The following SLC9A9 variants were observed in gnomAD, a reference collection of about 807,000 sequenced individuals.
SLC9A9 encodes solute carrier family 9 member A9.
Under a neutral mutation model 77.8 loss-of-function variants are expected in SLC9A9, and 62 were observed. That is an observed-to-expected ratio of 0.80 (90% CI 0.65 to 0.98). SLC9A9 has a LOEUF of 0.98. Among genes scored for constraint, SLC9A9 ranks in the 50% least tolerant of loss-of-function variants. The probability of loss-of-function intolerance (pLI) is 0.00; values close to 1 mark genes in which losing one functional copy is unlikely to be tolerated. For synonymous variants in SLC9A9, 320 were observed against 283.5 expected (o/e 1.13, Z -1.29); for missense variants, 775 against 774.9 (o/e 1.00, Z 0.00).
intron 6 of SLC9A9, among the ~76,000 whole-genome samples, chr3:143,620,917 T>C (rs1348920025): frequency 6.6e-6 from 1 of 152,150 alleles, no homozygotes; most frequent in African/African-American, 2.4e-5. Context: ...ACTCCCACCC[T>C]AATACTGCGC....
chr3:143,297,170 T>C (rs1436647152), intron 14 of SLC9A9, among the ~76,000 whole-genome samples: 1 of 152,234 alleles, frequency 6.6e-6, no homozygotes, highest in African/African-American at 2.4e-5. Context: ...AATTTAAATC[T>C]TTATTTTGAG....
At chr3:143,807,925 G>A (rs1161310762) in intron 2 of SLC9A9, among the ~76,000 whole-genome samples, 2 of 152,172 alleles carry the variant, frequency 1.3e-5, no homozygotes, top group East Asian at 3.8e-4. Context: ...GTAGAGGGCT[G>A]GGCGGGGATG....
chr3:143,660,353 T>C (rs1278723925), intron 5 of SLC9A9, among the ~76,000 whole-genome samples: 1 of 152,174 alleles, frequency 6.6e-6, no homozygotes, highest in African/African-American at 2.4e-5. Flanking sequence ...GGGGATCACT[T>C]GCAAGAGCCA....
chr3:143,685,887 A>G (rs912810210), intron 5 of SLC9A9, among the ~76,000 whole-genome samples: 8 of 152,222 alleles, frequency 5.3e-5, no homozygotes, highest in Admixed American at 3.9e-4. Flanking sequence ...CCAGATAAAC[A>G]GAAGAAAGAA....
chr3:143,830,116 C>T (rs2009398590), intron 2 of SLC9A9, among the ~76,000 whole-genome samples: 1 of 152,156 alleles, frequency 6.6e-6, no homozygotes, highest in Non-Finnish European at 1.5e-5. Flanking sequence ...AGGATTGCCA[C>T]ATAAGCAACA....
At position 143,547,152 on chromosome 3, in the gene SLC9A9, G is replaced by C. The variant is rs144885700; in HGVS notation, c.1089+5210C>G. On this transcript the variant is annotated intron_variant, in intron 9 of 15. Transcript: ENST00000316549. ...CTTTCAGGCTCATTTGCTGATTTTG[G>C]ATTTCTTAACATTGGAGTACCTTAG... 2.0e-3 allele frequency among the ~76,000 whole-genome samples: 311 copies of C among 152,176 alleles called. 10 individuals carry two copies. The East Asian group carries it at 0.044, about 22-fold the overall frequency.
At chr3:143,552,290 T>C (rs1219298746) in intron 9 of SLC9A9, 72 bp downstream of exon 9, 6 of 1,087,764 alleles carry the variant, frequency 5.5e-6, no homozygotes, top group Non-Finnish European at 8.2e-6. Flanking sequence ...TTTCTGACTA[T>C]ACTGCCAGAA....
At chr3:143,539,456 C>T (rs914115795) in intron 9 of SLC9A9, among the ~76,000 whole-genome samples, 1 of 152,206 alleles carries the variant, frequency 6.6e-6, no homozygotes, top group African/African-American at 2.4e-5. Context: ...TGGCAACATT[C>T]TTTAACAAAC....
chr3:143,554,912 A>G lies in SLC9A9; in HGVS notation c.1001-2462T>C, dbSNP rs919447034. Among the ~76,000 whole-genome samples, 4 of 152,198 alleles carry G rather than the reference A, an allele frequency of 2.6e-5. No homozygotes were observed. In the East Asian group the frequency reaches 7.7e-4, roughly 29 times the overall value. ...GACAGGTCTTCTCCATCCACTCTGTACAAATTGTTCAGTCTCATCATTCTC... is the reference window on the plus strand; with the variant it reads ...GACAGGTCTTCTCCATCCACTCTGTGCAAATTGTTCAGTCTCATCATTCTC... On this transcript the variant is annotated intron_variant, in intron 8 of 15. Transcript: ENST00000316549.
chr3:143,304,394 A>G (rs913654904), intron 14 of SLC9A9, among the ~76,000 whole-genome samples: 6 of 152,354 alleles, frequency 3.9e-5, no homozygotes, highest in African/African-American at 1.4e-4. Flanking sequence ...CATTCTGGTT[A>G]GACATGGGAT....
intron 3 of SLC9A9, 141 bp downstream of exon 3, chr3:143,796,685 C>A: frequency 1.7e-6 from 1 of 599,658 alleles, no homozygotes; most frequent in Non-Finnish European, 2.9e-6. Flanking sequence ...CTAAGCATGT[C>A]AGGTTTGAAT....
chr3:143,358,302 C>T (rs2032648832), intron 14 of SLC9A9, among the ~76,000 whole-genome samples: 1 of 152,114 alleles, frequency 6.6e-6, no homozygotes, highest in African/African-American at 2.4e-5. Flanking sequence ...TTCATTCCAA[C>T]CAGTTATGGG....
chr3:143,633,095 A>G (rs1576623930), intron 6 of SLC9A9, among the ~76,000 whole-genome samples: 1 of 152,294 alleles, frequency 6.6e-6, no homozygotes, highest in South Asian at 2.1e-4. Context: ...GATTCTTACT[A>G]TGTTCCTATC....
In SLC9A9 at chr3:143,730,709, G is replaced by A. The variant is rs1180711087; in HGVS notation, c.534-37402C>T. ...TTTCCAATTTATCTTCATAAATTTC[G>A]GTGCCTATTGAAATGCCTGGAACAT... is the stretch of plus-strand genomic sequence containing the variant. On this transcript the variant is annotated intron_variant, in intron 4 of 15. Transcript: ENST00000316549. Among the ~76,000 whole-genome samples the A allele has an allele frequency of 2.6e-5, 4 of 152,054 alleles. No homozygotes were observed. In the East Asian group the frequency reaches 5.8e-4, roughly 22 times the overall value.
intron 6 of SLC9A9, among the ~76,000 whole-genome samples, chr3:143,579,245 T>C (rs1454395969): frequency 6.6e-6 from 1 of 152,160 alleles, no homozygotes; most frequent in Non-Finnish European, 1.5e-5. Flanking sequence ...AACAGAGCAC[T>C]GATGGTGCTC....
intron 2 of SLC9A9, among the ~76,000 whole-genome samples, chr3:143,830,629 G>C (rs1576757769): frequency 6.6e-6 from 1 of 152,172 alleles, no homozygotes; most frequent in East Asian, 1.9e-4. Flanking sequence ...GTGCTGTATA[G>C]AAATGCAGAT....
intron 2 of SLC9A9, among the ~76,000 whole-genome samples, chr3:143,825,732 C>T (rs921900699): frequency 2.0e-5 from 3 of 152,140 alleles, no homozygotes; most frequent in Admixed American, 2.0e-4. Flanking sequence ...GCAAAATTTT[C>T]GCTGGGTAGT....
chr3:143,545,313 G>T (rs1235138897), intron 9 of SLC9A9, among the ~76,000 whole-genome samples: 1 of 152,172 alleles, frequency 6.6e-6, no homozygotes, highest in Non-Finnish European at 1.5e-5. Context: ...TCAGTTCTCT[G>T]GTTTCCATGA....
chr3:143,315,131 A>G (rs1383602169), intron 14 of SLC9A9, among the ~76,000 whole-genome samples: 1 of 152,238 alleles, frequency 6.6e-6, no homozygotes, highest in East Asian at 1.9e-4. Flanking sequence ...AACATCTGAT[A>G]CAGGAAGTAA....
Sources: gnomAD v4.1 joint callset for allele counts (sites outside exome capture counted in the v4.1 genomes callset) on GRCh38, gnomAD v4.1.1 for gene constraint, MANE v1.5 for transcripts, NCBI Gene and HGNC (gene_info 2026-07-23, HGNC 2026-07-21) for gene names.